UBQLN4: variants seen among roughly 807,000 people sequenced by gnomAD.
UBQLN4 encodes the protein ubiquilin-4.
UBQLN4 carries 11 observed loss-of-function variants against 60.4 expected under a neutral mutation model. The ratio of observed to expected loss-of-function variants is 0.18; its 90% CI spans 0.11 to 0.30. The LOEUF is 0.30. Ranked by LOEUF, UBQLN4 falls within the 10% of genes least tolerant of loss-of-function variation. The probability of loss-of-function intolerance (pLI) is 1.00; values close to 1 mark genes in which losing one functional copy is unlikely to be tolerated. For missense variants in UBQLN4, 417 were observed against 795.5 expected (o/e 0.52, Z 5.72); for synonymous variants, 258 against 313.1 (o/e 0.82, Z 1.86).
chr1:156,035,588 A>G lies in UBQLN4; in HGVS notation c.*1390T>C. 1.0e-6 allele frequency: 1 copy of G among 985,238 alleles called. No homozygotes were observed. Among genetic ancestry groups the G allele is most frequent in the Non-Finnish European group, 1.2e-6 (1 of 829,890 alleles). The allele number at this position is 985,238 out of a possible 1,614,324, so 61.0% of individuals were successfully genotyped here. On this transcript the variant is annotated 3_prime_UTR_variant, in exon 11 of 11. Transcript: ENST00000368309. ...TGCCACCCTCTCCTCTCCTTCCTCA[A>G]AGAAAACTTTCTGGCCTGGAGGGAA...
At chr1:156,043,950 G>A (rs891231570) in intron 6 of UBQLN4, 48 bp downstream of exon 6, 3 of 1,590,334 alleles carry the variant, frequency 1.9e-6, no homozygotes, top group Admixed American at 1.7e-5. Context: ...CTGGGACAGA[G>A]GGGCTGCCCT....
At chr1:156,033,314 G>A (rs1483033757), downstream of UBQLN4, 8 of 984,104 alleles carry the variant, frequency 8.1e-6, no homozygotes, top group East Asian at 3.4e-4. Flanking sequence ...TAATCCTTCC[G>A]CTTAGAAATA....
chr1:156,033,748 G>A (rs1183291269), downstream of UBQLN4, among the ~76,000 whole-genome samples: 1 of 151,634 alleles, frequency 6.6e-6, no homozygotes, highest in Admixed American at 6.6e-5. Flanking sequence ...GGAGGCTGAG[G>A]CAGAAGAATC....
chr1:156,039,666 G>A (rs1045443056), intron 10 of UBQLN4, among the ~76,000 whole-genome samples: 3 of 152,018 alleles, frequency 2.0e-5, no homozygotes, highest in African/African-American at 2.4e-5. Context: ...GGCCGGGTGC[G>A]GTGGCTGACG....
intron 5 of UBQLN4, among the ~76,000 whole-genome samples, chr1:156,044,726 T>G (rs560731806): frequency 1.3e-5 from 2 of 152,030 alleles, no homozygotes; most frequent in African/African-American, 4.8e-5. Flanking sequence ...CCCAGCCTCC[T>G]TGGACTAATC....
In UBQLN4 at chr1:156,053,719, G is replaced by GCCGC. The variant is rs1683954788; in HGVS notation, c.-22_-19dup. The GCCGC allele has an allele frequency of 8.0e-7, 1 of 1,256,154 alleles. No individual in the cohort carries two copies. Among genetic ancestry groups the GCCGC allele is most frequent in the Admixed American group, 4.2e-5 (1 of 24,080 alleles). 77.8% of individuals were successfully genotyped at this position (1,256,154 alleles called of 1,614,324 possible). A position where few individuals can be genotyped will look rare whatever the true frequency, so the allele number is the denominator to read the frequency against. On this transcript the variant is annotated 5_prime_UTR_variant, in exon 1 of 11. Coordinates refer to ENST00000368309, the MANE Select transcript of UBQLN4 (RefSeq NM_020131.5). Reference sequence around the variant, plus strand: ...TCCGCCATGCCGCCGCCGCCACCCGGCCGCCCGCCAGCCCGCCCGGCTCCT... The same window carrying GCCGC: ...TCCGCCATGCCGCCGCCGCCACCCGGCCGCCCGCCCGCCAGCCCGCCCGGCTCCT...
rs1436061244 is a variant in UBQLN4, at chr1:156,048,602, G to A, written c.799C>T (p.Arg267Trp). Residue 267 changes from arginine to tryptophan, a missense_variant, in exon 5 of 11, where the codon CGG (arginine) becomes TGG (tryptophan). Physicochemically the swap from Arg to Trp is moderately radical, Grantham distance 101. Transcript: ENST00000368309. This position sits in a 1 kb window ranked among gnomAD's most constrained non-coding sequence, Gnocchi z 4.9. ...ATGCTCTCAAGGTTGCTCAGGGCCC[G>A]GTCCTGGTTCCGCATCATCTCTTGC... Reference protein sequence around the residue: ...MMQEMMRNQDRALSNLESIPG... With the variant: ...MMQEMMRNQDWALSNLESIPG... 4 of 1,614,090 alleles carry A rather than the reference G, an allele frequency of 2.5e-6. No individual in the cohort carries two copies. The highest frequency in any genetic ancestry group is 2.5e-6 in the Non-Finnish European group (3 of 1,179,950).
intron 10 of UBQLN4, among the ~76,000 whole-genome samples, chr1:156,038,524 A>G (rs1313772553): frequency 6.6e-6 from 1 of 150,450 alleles, no homozygotes; most frequent in Non-Finnish European, 1.5e-5. Flanking sequence ...GGGCATGGTG[A>G]CAGGAGCCTG....
At chr1:156,052,471 C>A (rs1683898260) in intron 1 of UBQLN4, among the ~76,000 whole-genome samples, 1 of 152,164 alleles carries the variant, frequency 6.6e-6, no homozygotes, top group Non-Finnish European at 1.5e-5. Context: ...GGACTACAGG[C>A]ACACACCACC....
intron 10 of UBQLN4, 56 bp downstream of exon 10, chr1:156,041,428 GA>G: frequency 6.8e-7 from 1 of 1,467,634 alleles, no homozygotes; most frequent in Non-Finnish European, 9.0e-7. Context: ...TGCTTCCCTT[GA>G]AACCTCCCAG....
intron 5 of UBQLN4, among the ~76,000 whole-genome samples, chr1:156,046,038 G>C (rs1447009033): frequency 6.6e-6 from 1 of 151,520 alleles, no homozygotes; most frequent in Non-Finnish European, 1.5e-5. Flanking sequence ...TAGAGATGGG[G>C]TTTCGCCATG....
intron 5 of UBQLN4, among the ~76,000 whole-genome samples, chr1:156,046,600 T>C (rs920789149): frequency 2.0e-5 from 3 of 148,860 alleles, no homozygotes; most frequent in Non-Finnish European, 4.4e-5. Context: ...CCCAGCACTT[T>C]GGGAGGCCGA....
At chr1:156,049,170 T>C (rs969745224) in intron 4 of UBQLN4, among the ~76,000 whole-genome samples, 1 of 152,228 alleles carries the variant, frequency 6.6e-6, no homozygotes, top group African/African-American at 2.4e-5. Context: ...GTTAATTGAC[T>C]TGCTGCCCTG....
Position 156,053,606 on chromosome 1 carries a change from G to A in UBQLN4, c.96C>T (p.Ala32=). 7.3e-7 allele frequency: 1 copy of A among 1,365,482 alleles called. No homozygotes were observed. Among genetic ancestry groups the A allele is most frequent in the East Asian group, 2.8e-5 (1 of 35,990 alleles). The allele number at this position is 1,365,482 out of a possible 1,614,324, so 84.6% of individuals were successfully genotyped here. A position where few individuals can be genotyped will look rare whatever the true frequency, so the allele number is the denominator to read the frequency against. ...CCTGCTGTACTACCTCCTTGACCGA[G>A]GCTCGATCGCAGATCACAATTTCCT... The part of the protein sequence containing the change: ...DKEEIVICDR[A]SVKEFKEEIS... The change falls in exon 1 of 11, where the codon GCC becomes GCT. Residue 32 remains alanine, a synonymous_variant. Transcript: ENST00000368309.
At chr1:156,034,782 C>T (rs867143120), downstream of UBQLN4, among the ~76,000 whole-genome samples, 36 of 131,142 alleles carry the variant, frequency 2.7e-4, no homozygotes, top group African/African-American at 9.8e-4. Flanking sequence ...ATTCCCAAGT[C>T]ATATATTACT....
chr1:156,051,146 C>T lies in UBQLN4; in HGVS notation c.442G>A (p.Gly148Arg), dbSNP rs1683857677. ...SSGGGPSPGA[G>R]EGSPSATASI... The stretch of plus-strand genomic sequence containing the variant: ...GCAGTAGCACTGGGGGATCCCTCCC[C>T]AGCCCCCGGAGAGGGCCCCCCACCA... The change falls in exon 3 of 11, where the codon GGG becomes AGG. Residue 148 changes from glycine (G) to arginine (R), a missense_variant. By Grantham distance (125) the Gly-to-Arg change is moderately radical. Coordinates refer to ENST00000368309, the MANE Select transcript of UBQLN4 (RefSeq NM_020131.5). The T allele has an allele frequency of 6.2e-7, 1 of 1,612,682 alleles. No individual in the cohort carries two copies. The highest frequency in any genetic ancestry group is 1.1e-5 in the South Asian group (1 of 90,878).
downstream of UBQLN4, among the ~76,000 whole-genome samples, chr1:156,031,306 A>T (rs1033714406): frequency 1.3e-5 from 2 of 152,228 alleles, no homozygotes; most frequent in African/African-American, 4.8e-5. Context: ...AAGAATTTAC[A>T]TCTCATTTAA....
intron 4 of UBQLN4, among the ~76,000 whole-genome samples, chr1:156,049,830 T>C (rs537235508): frequency 6.6e-6 from 1 of 152,330 alleles, no homozygotes; most frequent in East Asian, 1.9e-4. Flanking sequence ...TGGTTCTCCA[T>C]TCCCAACTGG....
At position 156,050,414 on chromosome 1, in the gene UBQLN4, C is replaced by T; in HGVS notation, c.618G>A (p.Gln206=). The change falls in exon 4 of 11, where the codon CAG becomes CAA. Residue 206 remains glutamine, a synonymous_variant. Coordinates refer to ENST00000368309, the MANE Select transcript of UBQLN4 (RefSeq NM_020131.5). This position sits in a 1 kb window ranked among gnomAD's most constrained non-coding sequence, Gnocchi z 4.6. ...TCAGATCAGGGTTAGACATCATATC[C>T]TGGACCAGGGGGTTCTCCATGATCT... ...LSQIMENPLV[Q]DMMSNPDLMR... 6.2e-7 allele frequency: 1 copy of T among 1,614,102 alleles called. No individual in the cohort carries two copies. The highest frequency in any genetic ancestry group is 8.5e-7 in the Non-Finnish European group (1 of 1,180,024).
Sources: allele counts gnomAD v4.1 joint callset (sites outside exome capture counted in the v4.1 genomes callset), GRCh38; gene constraint gnomAD v4.1.1; non-coding constraint Gnocchi (gnomAD v3.1); transcripts MANE v1.5; gene names NCBI Gene and HGNC (gene_info 2026-07-23, HGNC 2026-07-21).